FUT9: variants seen among roughly 807,000 people sequenced by gnomAD.
FUT9 encodes the protein 4-galactosyl-N-acetylglucosaminide 3-alpha-L-fucosyltransferase 9.
A neutral mutation model predicts 29.7 loss-of-function variants in FUT9; 15 were observed. The observed-to-expected ratio is 0.51, with a 90% CI of 0.34 to 0.78. The LOEUF is 0.78. Among genes scored for constraint, FUT9 ranks in the 30% least tolerant of loss-of-function variants. The probability of loss-of-function intolerance (pLI) is 0.01; values close to 1 mark genes in which losing one functional copy is unlikely to be tolerated. For missense variants in FUT9, 319 were observed against 425.4 expected, an observed-to-expected ratio of 0.75 and a Z score of 2.20; for synonymous variants, 169 against 153.7, an observed-to-expected ratio of 1.10 and a Z score of -0.74.
At chr6:96,064,882 G>A (rs142350349) in intron 1 of FUT9, among the ~76,000 whole-genome samples, 194 of 152,256 alleles carry the variant, frequency 1.3e-3, no homozygotes, top group African/African-American at 4.5e-3. Flanking sequence ...GCTAGCCAAA[G>A]CAATGAAGAA....
intron 2 of FUT9, among the ~76,000 whole-genome samples, chr6:96,148,312 C>T (rs1206402666): frequency 6.6e-6 from 1 of 152,188 alleles, no homozygotes; most frequent in African/African-American, 2.4e-5. Context: ...GCCAAAGTCC[C>T]TCCTATCTCC....
At chr6:96,025,351 A>G (rs1770146537) in intron 1 of FUT9, among the ~76,000 whole-genome samples, 1 of 151,644 alleles carries the variant, frequency 6.6e-6, no homozygotes, top group Non-Finnish European at 1.5e-5. Flanking sequence ...GCTTGCAATG[A>G]CCTCCTTGAT....
At chr6:96,187,484 G>A (rs1471886092) in intron 2 of FUT9, among the ~76,000 whole-genome samples, 2 of 152,104 alleles carry the variant, frequency 1.3e-5, no homozygotes, top group African/African-American at 2.4e-5. Context: ...CAAGTAGGGT[G>A]GGTGCAGACT....
chr6:96,164,908 G>A (rs1582278722), intron 2 of FUT9, among the ~76,000 whole-genome samples: 1 of 152,308 alleles, frequency 6.6e-6, no homozygotes, highest in African/African-American at 2.4e-5. Context: ...AGCCATGTAT[G>A]GCTAGTGGTT....
chr6:96,059,066 T>A (rs1280798870), intron 1 of FUT9, among the ~76,000 whole-genome samples: 1 of 152,184 alleles, frequency 6.6e-6, no homozygotes, highest in African/African-American at 2.4e-5. Flanking sequence ...TTGCTATATG[T>A]GGTGTTTTTA....
intron 1 of FUT9, among the ~76,000 whole-genome samples, chr6:96,093,558 T>A (rs1269662754): frequency 2.6e-5 from 4 of 152,106 alleles, no homozygotes; most frequent in Admixed American, 2.6e-4. Context: ...ATTGAAGAGT[T>A]AATAAATTAA....
chr6:96,088,977 G>C (rs769322581), intron 1 of FUT9, among the ~76,000 whole-genome samples: 11 of 141,862 alleles, frequency 7.8e-5, no homozygotes, highest in South Asian at 4.7e-4. Context: ...ACTGTTTTTG[G>C]TTTTATTAGG....
At chr6:96,113,200 A>G (rs1219061451) in intron 1 of FUT9, among the ~76,000 whole-genome samples, 1 of 152,122 alleles carries the variant, frequency 6.6e-6, no homozygotes, top group Non-Finnish European at 1.5e-5. Context: ...CATTCTTTTT[A>G]ATGATATTTC....
At chr6:96,031,628 T>A (rs1770264012) in intron 1 of FUT9, among the ~76,000 whole-genome samples, 1 of 151,502 alleles carries the variant, frequency 6.6e-6, no homozygotes, top group African/African-American at 2.4e-5. Context: ...GAATATTTAT[T>A]CCCTAGCAAT....
At chr6:96,174,592 G>A (rs995782268) in intron 2 of FUT9, among the ~76,000 whole-genome samples, 8 of 151,976 alleles carry the variant, frequency 5.3e-5, no homozygotes, top group African/African-American at 9.7e-5. Context: ...ATAGACACAG[G>A]GGTCTCTAAA....
chr6:96,016,494 C>T (rs994636363), intron 1 of FUT9, among the ~76,000 whole-genome samples: 1 of 152,152 alleles, frequency 6.6e-6, no homozygotes, highest in Admixed American at 6.5e-5. Context: ...AGTAGATGGC[C>T]CCGACCCTCT....
intron 2 of FUT9, among the ~76,000 whole-genome samples, chr6:96,160,093 C>A (rs1772868445): frequency 6.6e-6 from 1 of 152,126 alleles, no homozygotes; most frequent in Non-Finnish European, 1.5e-5. Flanking sequence ...TAGACTTTTG[C>A]CCATACAGAC....
intron 1 of FUT9, among the ~76,000 whole-genome samples, chr6:96,065,697 A>G (rs1203788649): frequency 9.9e-5 from 15 of 152,224 alleles, no homozygotes; most frequent in Admixed American, 9.8e-4. Context: ...AACAGCTACA[A>G]AACTGCTATA....
intron 1 of FUT9, among the ~76,000 whole-genome samples, chr6:96,105,773 A>G (rs1771668068): frequency 6.6e-6 from 1 of 152,304 alleles, no homozygotes; most frequent in Admixed American, 6.5e-5. Flanking sequence ...TTTTCACAGC[A>G]TGATTCCCAA....
intron 1 of FUT9, among the ~76,000 whole-genome samples, chr6:96,086,824 C>CT (rs1459404989): frequency 6.6e-6 from 1 of 152,158 alleles, no homozygotes; most frequent in Non-Finnish European, 1.5e-5. Context: ...CTTGGCCTCT[C>CT]TTTTTTGTCC....
At chr6:96,123,962 C>A (rs1295488100) in intron 2 of FUT9, among the ~76,000 whole-genome samples, 1 of 151,360 alleles carries the variant, frequency 6.6e-6, no homozygotes, top group Non-Finnish European at 1.5e-5. Flanking sequence ...AAAGGTAGTA[C>A]CCATTGAAAA....
intron 1 of FUT9, among the ~76,000 whole-genome samples, chr6:96,073,379 G>T (rs1771094450): frequency 6.6e-6 from 1 of 151,600 alleles, no homozygotes; most frequent in Non-Finnish European, 1.5e-5. Flanking sequence ...AACCCAGGAG[G>T]CTGAGGTTGC....
chr6:96,053,536 G>A (rs1562109346), intron 1 of FUT9, among the ~76,000 whole-genome samples: 1 of 151,928 alleles, frequency 6.6e-6, no homozygotes, highest in South Asian at 2.1e-4. Flanking sequence ...GTGAAAACCC[G>A]TCTCTACTAA....
rs184097947 is a variant in FUT9, at chr6:96,058,443, A to G, written c.-98+42231A>G. 1.2e-3 allele frequency among the ~76,000 whole-genome samples: 170 copies of G among 136,470 alleles called. 1 individual carries two copies. Among genetic ancestry groups the G allele is most frequent in the Middle Eastern group, 7.9e-3 (2 of 254 alleles). The allele number at this position is 136,470 out of a possible 152,430, so 89.5% of individuals were successfully genotyped here. On this transcript the variant is annotated intron_variant, in intron 1 of 2. Transcript: ENST00000302103. The stretch of plus-strand genomic sequence containing the variant: ...ATTAAGAGAGTAAGAGTAAAAGTGC[A>G]AAGACTGGGAACCTGGCTTTATTCC...
Sources: gnomAD v4.1 joint callset for allele counts (sites outside exome capture counted in the v4.1 genomes callset) on GRCh38, gnomAD v4.1.1 for gene constraint, MANE v1.5 for transcripts, NCBI Gene and HGNC (gene_info 2026-07-23, HGNC 2026-07-21) for gene names.